Variants in KBTBD11 observed in about 807,000 individuals in gnomAD.
The protein encoded by KBTBD11 is kelch repeat and BTB domain-containing protein 11.
For missense variants in KBTBD11, 1,390 were observed against 1,001.8 expected, an observed-to-expected ratio of 1.39 and a Z score of -5.23; for synonymous variants, 747 against 499.0, an observed-to-expected ratio of 1.50 and a Z score of -6.63.
chr8:2,002,278 C>CGTGGCGG lies in KBTBD11; in HGVS notation c.1088_1094dup (p.Val367GlyfsTer87). The CGTGGCGG allele has an allele frequency of 7.7e-7, 1 of 1,303,610 alleles. No individual in the cohort carries two copies. Among genetic ancestry groups the CGTGGCGG allele is most frequent in the Non-Finnish European group, 9.7e-7 (1 of 1,030,828 alleles). 80.8% of individuals were successfully genotyped at this position (1,303,610 alleles called of 1,614,324 possible). On this transcript the variant is annotated frameshift_variant, in exon 2 of 2. Coordinates refer to ENST00000320248, the MANE Select transcript of KBTBD11 (RefSeq NM_014867.3). LOFTEE classifies it low-confidence loss of function (END_TRUNC). This position sits in a 1 kb window ranked among gnomAD's most constrained non-coding sequence, Gnocchi z 4.1. Reference sequence around the variant, plus strand: ...TGTGCGTCCTCTACAACTACCTCTTCGTGGCGGGCGGCGTGGCGCCCGCGG... The same window carrying CGTGGCGG: ...TGTGCGTCCTCTACAACTACCTCTTCGTGGCGGGTGGCGGGCGGCGTGGCGCCCGCGG...
At position 2,004,990 on chromosome 8, in the gene KBTBD11, C is replaced by G. The variant is rs147028067; in HGVS notation, c.*1926C>G. The G allele has an allele frequency of 0.017, 2,799 of 167,146 alleles. 38 individuals carry two copies. The highest frequency in any genetic ancestry group is 0.027 in the Non-Finnish European group (1,871 of 68,100). 10.4% of individuals were successfully genotyped at this position (167,146 alleles called of 1,614,324 possible). ...ATATCAAACTCATATGCTGTTATCA[C>G]TGTGATTTTACTTGTGAAATCATTC... On this transcript the variant is annotated 3_prime_UTR_variant, in exon 2 of 2. Transcript: ENST00000320248.
At chr8:1,984,108 G>T (rs1816631152) in intron 1 of KBTBD11, among the ~76,000 whole-genome samples, 1 of 152,046 alleles carries the variant, frequency 6.6e-6, no homozygotes, top group African/African-American at 2.4e-5. Context: ...GGCAACAAGA[G>T]CGACCGTCTG....
In KBTBD11 at chr8:2,002,051, C is replaced by T. The variant is rs1256994600; in HGVS notation, c.859C>T (p.Arg287Cys). 4 of 1,190,640 alleles carry T rather than the reference C, an allele frequency of 3.4e-6. No individual in the cohort carries two copies. Among genetic ancestry groups the T allele is most frequent in the Admixed American group, 9.0e-5 (2 of 22,128 alleles). 73.8% of individuals were successfully genotyped at this position (1,190,640 alleles called of 1,614,324 possible). The change falls in exon 2 of 2, where the codon CGC becomes TGC. Residue 287 changes from arginine to cysteine, a missense_variant. Physicochemically the swap from Arg to Cys is radical, Grantham distance 180. Coordinates refer to ENST00000320248, the MANE Select transcript of KBTBD11 (RefSeq NM_014867.3). The surrounding 1 kb of genome is among the most constrained non-coding windows in gnomAD (Gnocchi z 4.1). ...SGAERDLLLR[R>C]RLRAGRAHLL... ...CGCAGAGCGGGACCTGCTGCTGCGC[C>T]GCCGCCTGCGCGCCGGCCGCGCCCA...
chr8:2,001,056 GGA>G lies in KBTBD11; in HGVS notation c.-136_-135del, dbSNP rs1817324315. The stretch of plus-strand genomic sequence containing the variant: ...CTTCACACACACAACAACAAAGCGT[GGA>G]CACACAGAAGTGAAATCTGATCGCG... On this transcript the variant is annotated 5_prime_UTR_variant, in exon 2 of 2. It introduces an in-frame stop codon into an upstream open reading frame of the 5' UTR. Transcript: ENST00000320248. The G allele has an allele frequency of 8.7e-7, 1 of 1,150,192 alleles. No individual in the cohort carries two copies. The allele number at this position is 1,150,192 out of a possible 1,614,324, so 71.2% of individuals were successfully genotyped here.
At chr8:1,975,552 T>G (rs1816307038) in intron 1 of KBTBD11, among the ~76,000 whole-genome samples, 1 of 152,268 alleles carries the variant, frequency 6.6e-6, no homozygotes, top group African/African-American at 2.4e-5. Context: ...TGTAGCAGGC[T>G]GCACCGCCTA....
rs1483685200 is a variant in KBTBD11 at position 2,002,317 on chromosome 8, C to T, written c.1125C>T (p.Arg375=). 6.5e-6 allele frequency: 9 copies of T among 1,380,576 alleles called. No individual in the cohort carries two copies. Among genetic ancestry groups the T allele is most frequent in the Non-Finnish European group, 8.4e-6 (9 of 1,075,164 alleles). 85.5% of individuals were successfully genotyped at this position (1,380,576 alleles called of 1,614,324 possible). A position where few individuals can be genotyped will look rare whatever the true frequency, so the allele number is the denominator to read the frequency against. The change falls in exon 2 of 2, where the codon CGC becomes CGT. Residue 375 remains arginine, a synonymous_variant. Transcript: ENST00000320248. The surrounding 1 kb of genome is among the most constrained non-coding windows in gnomAD (Gnocchi z 4.1). The part of the protein sequence containing the change: ...GGVAPAGPDG[R]ARPSDQVFCY... ...TGGCGCCCGCGGGCCCCGACGGCCG[C>T]GCGCGCCCGTCCGACCAGGTCTTCT... is the stretch of plus-strand genomic sequence containing the variant.
At chr8:1,980,361 G>A (rs1475844731) in intron 1 of KBTBD11, among the ~76,000 whole-genome samples, 1 of 151,764 alleles carries the variant, frequency 6.6e-6, no homozygotes, top group Non-Finnish European at 1.5e-5. Flanking sequence ...GGAGTAGCTG[G>A]GATTACAAGC....
chr8:1,974,131 AGGG>A, intron 1 of KBTBD11, among the ~76,000 whole-genome samples, 196 bp downstream of exon 1: 2 of 36,388 alleles, frequency 5.5e-5, no homozygotes, highest in Admixed American at 6.1e-4. Flanking sequence ...AGCGGAGCGG[AGGG>A]GAGGGGAGGG....
At chr8:1,974,724 A>T in intron 1 of KBTBD11, 2 of 985,140 alleles carry the variant, frequency 2.0e-6, no homozygotes, top group Non-Finnish European at 2.4e-6. Context: ...CCCTCCTCTC[A>T]GGCGGGGCTC....
At chr8:1,986,581 C>T (rs1275921874) in intron 1 of KBTBD11, among the ~76,000 whole-genome samples, 2 of 152,116 alleles carry the variant, frequency 1.3e-5, no homozygotes, top group African/African-American at 4.8e-5. Context: ...TTCCACTTGG[C>T]TGGAACTTTT....
chr8:1,988,074 T>A (rs1816762181), intron 1 of KBTBD11, among the ~76,000 whole-genome samples: 1 of 152,226 alleles, frequency 6.6e-6, no homozygotes, highest in Admixed American at 6.5e-5. Context: ...ATCCTTTTTA[T>A]GGTTGCATAG....
At position 2,002,465 on chromosome 8, in the gene KBTBD11, G is replaced by A. The variant is rs1371354809; in HGVS notation, c.1273G>A (p.Val425Met). 2 of 1,511,984 alleles carry A rather than the reference G, an allele frequency of 1.3e-6. No homozygotes were observed. The highest frequency in any genetic ancestry group is 1.8e-6 in the Non-Finnish European group (2 of 1,137,828). 93.7% of individuals were successfully genotyped at this position (1,511,984 alleles called of 1,614,324 possible). A position where few individuals can be genotyped will look rare whatever the true frequency, so the allele number is the denominator to read the frequency against. Residue 425 changes from valine (V) to methionine (M), a missense_variant, in exon 2 of 2, where the codon GTG becomes ATG. Val to Met is a conservative substitution (Grantham distance 21, BLOSUM62 1). Transcript: ENST00000320248. The surrounding 1 kb of genome is among the most constrained non-coding windows in gnomAD (Gnocchi z 4.1). Reference protein sequence around the residue: ...YAVGGECLLSVERYDPRADRW... With the variant: ...YAVGGECLLSMERYDPRADRW... ...CGTGGGCGGCGAGTGCCTGCTCAGC[G>A]TGGAGCGCTACGACCCGCGCGCCGA...
rs1817357875 is a variant in KBTBD11, at chr8:2,001,550, C to A, written c.358C>A (p.Pro120Thr). 2 of 1,437,330 alleles carry A rather than the reference C, an allele frequency of 1.4e-6. No individual in the cohort carries two copies. The highest frequency in any genetic ancestry group is 9.1e-7 in the Non-Finnish European group (1 of 1,100,922). 89.0% of individuals were successfully genotyped at this position (1,437,330 alleles called of 1,614,324 possible). Residue 120 changes from proline (P) to threonine (T), a missense_variant, in exon 2 of 2, where the codon CCC becomes ACC. Transcript: ENST00000320248. ...CGTTTGGCTTGAGGACCCCGCGTCC[C>A]CCGAGGAGCCCGGGGAGCCCGCGCC... ...PRVWLEDPAS[P>T]EEPGEPAPVP...
intron 1 of KBTBD11, among the ~76,000 whole-genome samples, chr8:1,991,433 A>G (rs1459119467): frequency 2.6e-5 from 4 of 152,212 alleles, no homozygotes; most frequent in East Asian, 3.9e-4. Context: ...TCGGCACCAC[A>G]TGCTCCAGGG....
intron 1 of KBTBD11, among the ~76,000 whole-genome samples, chr8:1,980,905 G>T (rs1044825596): frequency 6.6e-6 from 1 of 152,198 alleles, no homozygotes; most frequent in East Asian, 1.9e-4. Flanking sequence ...TGAGTTTCCC[G>T]CAGTTTCATG....
chr8:1,989,926 T>TG (rs1328394266), intron 1 of KBTBD11, among the ~76,000 whole-genome samples: 12 of 135,758 alleles, frequency 8.8e-5, no homozygotes, highest in Non-Finnish European at 7.9e-5. Context: ...TCAGGTGGTT[T>TG]TTTTTTTTTT....
At chr8:1,993,248 C>G (rs1816983649) in intron 1 of KBTBD11, among the ~76,000 whole-genome samples, 1 of 152,062 alleles carries the variant, frequency 6.6e-6, no homozygotes, top group Non-Finnish European at 1.5e-5. Context: ...TGCCTGGCCT[C>G]TGTGGTTTCA....
intron 1 of KBTBD11, among the ~76,000 whole-genome samples, chr8:1,979,012 C>G (rs1248591767): frequency 6.6e-6 from 1 of 152,196 alleles, no homozygotes; most frequent in East Asian, 1.9e-4. Context: ...GCTGTAGGCC[C>G]TCGTGCTGGT....
rs1375914080 is a variant in KBTBD11 at position 2,003,455 on chromosome 8, C to T, written c.*391C>T. ...AGGAGCCTGGGACCCTCAAGTAGGT[C>T]GCCGCGAACTATCGGGGGAAGCACG... is the stretch of plus-strand genomic sequence containing the variant. On this transcript the variant is annotated 3_prime_UTR_variant, in exon 2 of 2. Transcript: ENST00000320248. 5.1e-6 allele frequency: 1 copy of T among 195,344 alleles called. No individual in the cohort carries two copies. The highest frequency in any genetic ancestry group is 6.2e-5 in the Admixed American group (1 of 16,042). The allele number at this position is 195,344 out of a possible 1,614,324, so 12.1% of individuals were successfully genotyped here. A position where few individuals can be genotyped will look rare whatever the true frequency, so the allele number is the denominator to read the frequency against.
Sources: gnomAD v4.1 joint callset for allele counts (sites outside exome capture counted in the v4.1 genomes callset) on GRCh38, gnomAD v4.1.1 for gene constraint, Gnocchi (gnomAD v3.1) non-coding constraint, MANE v1.5 for transcripts, NCBI Gene and HGNC (gene_info 2026-07-23, HGNC 2026-07-21) for gene names.